Variants in GPATCH2 observed in about 807,000 individuals in gnomAD.
GPATCH2 encodes G patch domain-containing protein 2.
Under a neutral mutation model 58.0 loss-of-function variants are expected in GPATCH2, and 51 were observed. The ratio of observed to expected loss-of-function variants is 0.88; its 90% confidence interval spans 0.70 to 1.11. The LOEUF (loss-of-function observed/expected upper bound fraction) is 1.11. Among genes scored for constraint, GPATCH2 ranks in the 50% most tolerant of loss-of-function variants. GPATCH2 has a pLI of 0.00. For missense variants in GPATCH2, 625 were observed against 652.2 expected, an observed-to-expected ratio of 0.96 and a Z score of 0.45; for synonymous variants, 222 against 218.5, an observed-to-expected ratio of 1.02 and a Z score of -0.14.
chr1:217,441,796 C>T (rs1288099782), intron 9 of GPATCH2, among the ~76,000 whole-genome samples: 1 of 152,142 alleles, frequency 6.6e-6, no homozygotes, highest in Non-Finnish European at 1.5e-5. Context: ...AATGAGACAC[C>T]ATCCCATGCC....
chr1:217,533,943 T>C (rs1400827761), intron 5 of GPATCH2, among the ~76,000 whole-genome samples: 1 of 152,110 alleles, frequency 6.6e-6, no homozygotes, highest in Non-Finnish European at 1.5e-5. Flanking sequence ...CAGCCAGGCA[T>C]GGTGGCTGAC....
At chr1:217,571,703 C>CAAAAAAAAAAAAAAAA (rs11463536) in intron 5 of GPATCH2, among the ~76,000 whole-genome samples, 22 of 73,810 alleles carry the variant, frequency 3.0e-4, no homozygotes, top group East Asian at 5.1e-4. Context: ...AAAACGAAAC[C>CAAAAAAAAAAAAAAAA]AAAAAAAAAA....
At chr1:217,492,315 A>T (rs900421970) in intron 7 of GPATCH2, among the ~76,000 whole-genome samples, 3 of 152,160 alleles carry the variant, frequency 2.0e-5, no homozygotes, top group Admixed American at 2.0e-4. Flanking sequence ...ATATAATTAG[A>T]AAAAAACATA....
At chr1:217,556,844 A>T (rs1665655990) in intron 5 of GPATCH2, among the ~76,000 whole-genome samples, 1 of 152,162 alleles carries the variant, frequency 6.6e-6, no homozygotes, top group Non-Finnish European at 1.5e-5. Flanking sequence ...AATGATCCTT[A>T]CCTTGATAAT....
intron 7 of GPATCH2, among the ~76,000 whole-genome samples, chr1:217,495,274 T>G (rs1358567895): frequency 6.6e-6 from 1 of 152,072 alleles, no homozygotes; most frequent in East Asian, 1.9e-4. Flanking sequence ...TTATTAAAAG[T>G]CTCACATCCC....
At chr1:217,566,194 G>A (rs1279204337) in intron 5 of GPATCH2, among the ~76,000 whole-genome samples, 2 of 150,858 alleles carry the variant, frequency 1.3e-5, no homozygotes. Context: ...TTCTGTAAGT[G>A]CAACTTTCTT....
intron 5 of GPATCH2, among the ~76,000 whole-genome samples, chr1:217,522,596 ATCT>A (rs1217885486): frequency 3.3e-5 from 5 of 152,214 alleles, no homozygotes; most frequent in Non-Finnish European, 7.3e-5. Flanking sequence ...GTGCCTAAAG[ATCT>A]TCTTTTATGA....
intron 9 of GPATCH2, among the ~76,000 whole-genome samples, chr1:217,445,345 A>G (rs1659339406): frequency 6.6e-6 from 1 of 152,162 alleles, no homozygotes. Flanking sequence ...TCAAAAAAGG[A>G]ACTTAAATCT....
At chr1:217,499,804 A>C (rs969485253) in intron 6 of GPATCH2, among the ~76,000 whole-genome samples, 1 of 152,020 alleles carries the variant, frequency 6.6e-6, no homozygotes, top group Admixed American at 6.6e-5. Context: ...GAAAAAAACT[A>C]AAAGGATTAA....
chr1:217,609,071 A>G, intron 5 of GPATCH2: 2 of 772,414 alleles, frequency 2.6e-6, no homozygotes, highest in Non-Finnish European at 1.6e-6. Context: ...ATATAAAAAT[A>G]CACATATTAA....
intron 8 of GPATCH2, among the ~76,000 whole-genome samples, chr1:217,468,070 A>AAT (rs1403217436): frequency 6.6e-6 from 1 of 152,118 alleles, no homozygotes; most frequent in Non-Finnish European, 1.5e-5. Context: ...AAACTGGCAT[A>AAT]TAATAAGGGG....
intron 5 of GPATCH2, among the ~76,000 whole-genome samples, chr1:217,577,957 G>A (rs1198219848): frequency 6.6e-6 from 1 of 151,760 alleles, no homozygotes; most frequent in East Asian, 1.9e-4. Flanking sequence ...ATGTTGGTCA[G>A]GCTGGTCTCG....
chr1:217,471,486 T>G (rs911837737), intron 8 of GPATCH2, among the ~76,000 whole-genome samples: 3 of 152,176 alleles, frequency 2.0e-5, no homozygotes, highest in Admixed American at 1.3e-4. Context: ...TGGGGAAGAC[T>G]GAGCAAACTG....
intron 9 of GPATCH2, among the ~76,000 whole-genome samples, chr1:217,444,281 G>T (rs1659279070): frequency 6.6e-6 from 1 of 152,158 alleles, no homozygotes; most frequent in African/African-American, 2.4e-5. Flanking sequence ...CTTACGCTGG[G>T]ATCCCAGGCT....
intron 2 of GPATCH2, among the ~76,000 whole-genome samples, chr1:217,615,763 G>C (rs1668856349): frequency 6.6e-6 from 1 of 152,124 alleles, no homozygotes; most frequent in South Asian, 2.1e-4. Flanking sequence ...TTAAATGAAT[G>C]AATATCCACA....
At position 217,431,314 on chromosome 1, in the gene GPATCH2, C is replaced by T. The variant is rs537051072; in HGVS notation, c.1418G>A (p.Arg473Gln). ...QPILENNIGN[R>Q]MLQNMGWTPG... is the part of the protein sequence containing the mutation. ...CGTCCAGCCCATATTCTGAAGCATT[C>T]GGTTTCCAATATTATTTTCTAGGAT... Residue 473 changes from arginine to glutamine, a missense_variant, in exon 10 of 10, where the codon CGA becomes CAA. Arg to Gln is a conservative substitution (Grantham distance 43). Coordinates refer to ENST00000366935, the MANE Select transcript of GPATCH2 (RefSeq NM_018040.5). 4.2e-5 allele frequency: 67 copies of T among 1,609,364 alleles called. 1 individual carries two copies. In the South Asian group the frequency reaches 4.2e-4, roughly 10 times the overall value.
At chr1:217,568,309 T>C (rs1046571039) in intron 5 of GPATCH2, among the ~76,000 whole-genome samples, 10 of 152,182 alleles carry the variant, frequency 6.6e-5, no homozygotes, top group African/African-American at 2.4e-4. Flanking sequence ...ACAGAATGCA[T>C]GCATTCCCTC....
At chr1:217,444,425 T>C (rs994492651) in intron 9 of GPATCH2, among the ~76,000 whole-genome samples, 5 of 152,242 alleles carry the variant, frequency 3.3e-5, no homozygotes, top group African/African-American at 1.2e-4. Context: ...TAGTCTCAGC[T>C]ATCTTTGTAA....
intron 8 of GPATCH2, among the ~76,000 whole-genome samples, chr1:217,475,297 G>C (rs1660919826): frequency 6.6e-6 from 1 of 152,112 alleles, no homozygotes. Flanking sequence ...AAATTAGCTG[G>C]ATGTGGTGGC....
Sources: allele counts gnomAD v4.1 joint callset (sites outside exome capture counted in the v4.1 genomes callset), GRCh38; gene constraint gnomAD v4.1.1; transcripts MANE v1.5; gene names NCBI Gene and HGNC (gene_info 2026-07-23, HGNC 2026-07-21).